Variants in ADAMTS16 observed in about 807,000 individuals in gnomAD.
The protein encoded by ADAMTS16 is A disintegrin and metalloproteinase with thrombospondin motifs 16.
ADAMTS16 carries 94 observed loss-of-function variants against 145.8 expected under a neutral mutation model. That is an observed-to-expected ratio of 0.64 (90% CI 0.55 to 0.77). The LOEUF is 0.77. ADAMTS16 is among the 30% of genes least tolerant of loss of function. The pLI, the probability that ADAMTS16 is intolerant of heterozygous loss-of-function variation, is 0.00. For missense variants in ADAMTS16, 1,585 were observed against 1,591.5 expected (o/e 1.00, Z 0.07); for synonymous variants, 659 against 604.3 (o/e 1.09, Z -1.33).
chr5:5,215,313 G>A (rs1349147073), intron 10 of ADAMTS16, among the ~76,000 whole-genome samples: 1 of 152,146 alleles, frequency 6.6e-6, no homozygotes, highest in East Asian at 1.9e-4. Context: ...ACAATGCCCT[G>A]TATATCTGAC....
At chr5:5,305,558 ACAC>A (rs200294249) in intron 20 of ADAMTS16, among the ~76,000 whole-genome samples, 12 of 149,750 alleles carry the variant, frequency 8.0e-5, no homozygotes, top group Non-Finnish European at 1.5e-4. Context: ...ACACACACAC[ACAC>A]GTCAGAGCTT....
rs1014785730 is a variant in ADAMTS16, at chr5:5,200,051, C to T, written c.1314-81C>T. On this transcript the variant is annotated intron_variant, in intron 8 of 22. Transcript: ENST00000274181. ...GGGTGAGGGAGTCTCACAGTCTTGA[C>T]TTGTAATTGTTAGAGGGTATCAGAT... is the stretch of plus-strand genomic sequence containing the variant. The T allele has an allele frequency of 3.4e-5, 50 of 1,471,436 alleles. No individual in the cohort carries two copies. The Admixed American group carries it at 1.1e-3, about 32-fold the overall frequency. 91.1% of individuals were successfully genotyped at this position (1,471,436 alleles called of 1,614,324 possible).
chr5:5,146,155 G>A lies in ADAMTS16; in HGVS notation c.201G>A (p.Glu67=), dbSNP rs1423063576. The change falls in exon 3 of 23, where the codon GAG becomes GAA. Residue 67 remains glutamate (E), a synonymous_variant. Coordinates refer to ENST00000274181, the MANE Select transcript of ADAMTS16 (RefSeq NM_139056.4). ...AATATGACCTGGTCTCTGCCTACGA[G>A]GTTGACCACAGGGGCGATTACGTGT... is the stretch of plus-strand genomic sequence containing the variant. ...KGEYDLVSAY[E]VDHRGDYVSH... 1.2e-6 allele frequency: 2 copies of A among 1,614,076 alleles called. No individual in the cohort carries two copies. Among genetic ancestry groups the A allele is most frequent in the South Asian group, 2.2e-5 (2 of 91,074 alleles).
Position 5,140,715 on chromosome 5 carries a change from G to C in ADAMTS16, c.124G>C (p.Val42Leu). Reference protein sequence around the residue: ...PAAAAPGSPSVPRPPPPAERP... With the variant: ...PAAAAPGSPSLPRPPPPAERP... ...AGCGGCAGCGCCTGGGAGCCCGAGC[G>C]TCCCGCGTCCTCCTCCACCCGCGGA... The change falls in exon 2 of 23, where the codon GTC becomes CTC. Residue 42 changes from valine to leucine, a missense_variant. Around this residue, in one of 3 missense-constraint regions of ADAMTS16, gnomAD observed 453 missense variants for 412.1 expected, o/e 1.10. Transcript: ENST00000274181. The C allele has an allele frequency of 6.4e-7, 1 of 1,569,954 alleles. No individual in the cohort carries two copies. Among genetic ancestry groups the C allele is most frequent in the Non-Finnish European group, 8.6e-7 (1 of 1,159,686 alleles).
chr5:5,194,517 G>T (rs1217259620), intron 8 of ADAMTS16, among the ~76,000 whole-genome samples: 1 of 152,182 alleles, frequency 6.6e-6, no homozygotes, highest in Admixed American at 6.5e-5. Context: ...TGGAGTCGGG[G>T]AATGAGTGAC....
chr5:5,196,653 C>T (rs943878264), intron 8 of ADAMTS16, among the ~76,000 whole-genome samples: 3 of 152,228 alleles, frequency 2.0e-5, no homozygotes, highest in Non-Finnish European at 4.4e-5. Flanking sequence ...TTCCCATACA[C>T]ATGCATGCAC....
At chr5:5,178,848 A>C (rs986911530) in intron 3 of ADAMTS16, among the ~76,000 whole-genome samples, 1 of 152,018 alleles carries the variant, frequency 6.6e-6, no homozygotes, top group South Asian at 2.1e-4. Flanking sequence ...GCCAGGAACC[A>C]GAAAGAGTGT....
At chr5:5,254,192 G>T (rs971860363) in intron 17 of ADAMTS16, among the ~76,000 whole-genome samples, 10 of 151,630 alleles carry the variant, frequency 6.6e-5, no homozygotes, top group Non-Finnish European at 8.8e-5. Flanking sequence ...CATTCATCTT[G>T]CTCTCCCTGT....
At chr5:5,180,260 A>T (rs1735304542) in intron 3 of ADAMTS16, among the ~76,000 whole-genome samples, 1 of 152,194 alleles carries the variant, frequency 6.6e-6, no homozygotes, top group African/African-American at 2.4e-5. Flanking sequence ...ATCACTGAAA[A>T]AAAAATCAGC....
rs538328047 is a variant in ADAMTS16, at chr5:5,205,987, A to T, written c.1452-3106A>T. Reference sequence around the variant, plus strand: ...TTGTCAATTATTTCTTTCATTGATTATGCCTTTGATGTTGTATCAAAAAAG... The same window carrying T: ...TTGTCAATTATTTCTTTCATTGATTTTGCCTTTGATGTTGTATCAAAAAAG... On this transcript the variant is annotated intron_variant, in intron 9 of 22. Coordinates refer to ENST00000274181, the MANE Select transcript of ADAMTS16 (RefSeq NM_139056.4). Among the ~76,000 whole-genome samples the T allele has an allele frequency of 7.2e-5, 11 of 152,268 alleles. No individual in the cohort carries two copies. In the South Asian group the frequency reaches 2.3e-3, roughly 32 times the overall value.
In ADAMTS16 at chr5:5,190,006, C is replaced by T. The variant is rs773205663; in HGVS notation, c.1083C>T (p.Thr361=). ...TGATAAGTCACCACGCAGACCACAC[C>T]TTAAGTAGCTTCTGCCAGTGGCAGT... ...GLVISHHADH[T]LSSFCQWQSG... Residue 361 remains threonine (T), a synonymous_variant, in exon 7 of 23, where the codon ACC becomes ACT. Transcript: ENST00000274181. The T allele has an allele frequency of 1.2e-6, 2 of 1,612,124 alleles. No individual in the cohort carries two copies. The highest frequency in any genetic ancestry group is 2.7e-5 in the African/African-American group (2 of 74,960).
intron 3 of ADAMTS16, among the ~76,000 whole-genome samples, chr5:5,153,477 GTAT>G (rs1734524795): frequency 6.6e-6 from 1 of 152,040 alleles, no homozygotes; most frequent in African/African-American, 2.4e-5. Context: ...CTATTTTTGG[GTAT>G]TAATAAAGGT....
At chr5:5,259,492 C>T (rs1351006831) in intron 17 of ADAMTS16, among the ~76,000 whole-genome samples, 1 of 152,250 alleles carries the variant, frequency 6.6e-6, no homozygotes, top group Non-Finnish European at 1.5e-5. Context: ...GAAAGGAATA[C>T]AGAATCCCAG....
chr5:5,265,721 C>T (rs1022095059), intron 18 of ADAMTS16, among the ~76,000 whole-genome samples: 5 of 152,192 alleles, frequency 3.3e-5, no homozygotes, highest in African/African-American at 9.7e-5. Context: ...ACATTGTCAA[C>T]TGCTGCACCA....
chr5:5,313,458 C>T (rs1396120421), intron 21 of ADAMTS16, among the ~76,000 whole-genome samples: 2 of 152,200 alleles, frequency 1.3e-5, no homozygotes, highest in Admixed American at 1.3e-4. Flanking sequence ...GTCATTTGGG[C>T]TTAGTGTCAG....
chr5:5,250,705 C>CTGTGTGTGTGTGTGTGTGTG, intron 17 of ADAMTS16, among the ~76,000 whole-genome samples: 1 of 4,042 alleles, frequency 2.5e-4, no homozygotes, highest in East Asian at 0.014. Context: ...TCTGTCTCTT[C>CTGTGTGTGTGTGTGTGTGTG]TCTCTGTGTG....
chr5:5,236,863 G>A, intron 13 of ADAMTS16, 106 bp from the exon 14 acceptor site: 1 of 1,403,582 alleles, frequency 7.1e-7, no homozygotes, highest in East Asian at 2.3e-5. Flanking sequence ...TTGTGTGGGA[G>A]TTATTTTATG....
intron 21 of ADAMTS16, among the ~76,000 whole-genome samples, chr5:5,314,845 C>T (rs1733971112): frequency 6.6e-6 from 1 of 152,162 alleles, no homozygotes; most frequent in African/African-American, 2.4e-5. Flanking sequence ...CCCACAGGCC[C>T]CTGTGGCTGG....
chr5:5,151,768 C>A (rs1734469355), intron 3 of ADAMTS16, among the ~76,000 whole-genome samples: 1 of 150,778 alleles, frequency 6.6e-6, no homozygotes, highest in South Asian at 2.1e-4. Flanking sequence ...ACTCTTTAAT[C>A]AAATTTTCAG....
Sources: gnomAD v4.1 joint callset for allele counts (sites outside exome capture counted in the v4.1 genomes callset) on GRCh38, gnomAD v4.1.1 for gene constraint, gnomAD v4.1.1 regional missense constraint, MANE v1.5 for transcripts, NCBI Gene and HGNC (gene_info 2026-07-23, HGNC 2026-07-21) for gene names.